SOX6: variants seen among roughly 807,000 people sequenced by gnomAD.
SOX6 encodes the protein transcription factor SOX-6.
In SOX6, 11 loss-of-function variants were observed where a neutral mutation model predicts 97.8. The observed-to-expected ratio is 0.11, with a 90% CI of 0.07 to 0.19. The LOEUF (loss-of-function observed/expected upper bound fraction) is 0.19. SOX6 is among the 10% of genes least tolerant of loss of function. The pLI, the probability that SOX6 is intolerant of heterozygous loss-of-function variation, is 1.00. For missense variants in SOX6, 810 were observed against 1,039.5 expected, an observed-to-expected ratio of 0.78 and a Z score of 3.04; for synonymous variants, 360 against 371.4, an observed-to-expected ratio of 0.97 and a Z score of 0.35.
intron 13 of SOX6, among the ~76,000 whole-genome samples, chr11:16,006,111 G>A (rs1854547159): frequency 6.6e-6 from 1 of 151,986 alleles, no homozygotes; most frequent in Admixed American, 6.6e-5. Context: ...GTATGCGTTT[G>A]AATGAAAACC....
At chr11:16,468,452 G>C (rs1860082183) in intron 1 of SOX6, among the ~76,000 whole-genome samples, 1 of 152,146 alleles carries the variant, frequency 6.6e-6, no homozygotes, top group African/African-American at 2.4e-5. Context: ...AGTCCTCAAA[G>C]TGTCATTGTT....
intron 3 of SOX6, among the ~76,000 whole-genome samples, chr11:16,240,824 C>A (rs961239512): frequency 2.6e-5 from 4 of 152,016 alleles, no homozygotes; most frequent in Non-Finnish European, 4.4e-5. Context: ...AAGGAAGTCA[C>A]CTGTCTTGCC....
At chr11:16,600,082 G>T (rs1848251478) in intron 4 of SOX6, among the ~76,000 whole-genome samples, 1 of 152,192 alleles carries the variant, frequency 6.6e-6, no homozygotes, top group South Asian at 2.1e-4. Flanking sequence ...AATTATAAGT[G>T]TATTTCAAGA....
intron 2 of SOX6, among the ~76,000 whole-genome samples, chr11:16,336,058 T>G (rs1191247241): frequency 1.3e-5 from 2 of 152,202 alleles, no homozygotes; most frequent in African/African-American, 4.8e-5. Context: ...CTGGGGCTGA[T>G]AGTCCACTAT....
chr11:16,656,532 T>C (rs1847719647), intron 3 of SOX6, among the ~76,000 whole-genome samples: 2 of 152,194 alleles, frequency 1.3e-5, no homozygotes, highest in African/African-American at 4.8e-5. Context: ...TTTCAGATTT[T>C]AGACTTTTAA....
intron 4 of SOX6, among the ~76,000 whole-genome samples, chr11:16,521,364 C>A (rs529266586): frequency 6.6e-6 from 1 of 152,204 alleles, no homozygotes. Context: ...GATACCCAGG[C>A]AAACAGGGTC....
intron 3 of SOX6, among the ~76,000 whole-genome samples, chr11:16,287,298 T>TCTCTCACACACACACA (rs1554953497): frequency 8.1e-6 from 1 of 123,450 alleles, no homozygotes; most frequent in African/African-American, 3.3e-5. Flanking sequence ...TCTCTCTCTC[T>TCTCTCACACACACACA]CACACACACA....
chr11:16,252,110 T>C (rs1853531815), intron 3 of SOX6, among the ~76,000 whole-genome samples: 1 of 152,152 alleles, frequency 6.6e-6, no homozygotes, highest in Non-Finnish European at 1.5e-5. Flanking sequence ...AAATATCTAC[T>C]ATTACTCCTC....
At chr11:16,293,262 C>T (rs1281341536) in intron 3 of SOX6, among the ~76,000 whole-genome samples, 1 of 152,100 alleles carries the variant, frequency 6.6e-6, no homozygotes, top group Non-Finnish European at 1.5e-5. Flanking sequence ...AGTTGGCCCA[C>T]TTTAGCCTTT....
intron 9 of SOX6, among the ~76,000 whole-genome samples, chr11:16,060,873 T>C (rs531850117): frequency 1.3e-5 from 2 of 152,002 alleles, no homozygotes; most frequent in South Asian, 4.1e-4. Flanking sequence ...TCTTGCTTGA[T>C]ACACTGTAAG....
intron 3 of SOX6, among the ~76,000 whole-genome samples, chr11:16,272,108 T>C (rs1023769769): frequency 6.6e-6 from 1 of 151,548 alleles, no homozygotes; most frequent in Non-Finnish European, 1.5e-5. Context: ...TAACAGTTTT[T>C]AGTAAAAATT....
At chr11:15,976,160 C>T (rs1351868432) in intron 15 of SOX6, among the ~76,000 whole-genome samples, 1 of 152,170 alleles carries the variant, frequency 6.6e-6, no homozygotes, top group African/African-American at 2.4e-5. Context: ...TACAACTGTT[C>T]GAGGTTGTAC....
chr11:16,078,124 G>T (rs1259500319), intron 9 of SOX6, among the ~76,000 whole-genome samples: 1 of 152,144 alleles, frequency 6.6e-6, no homozygotes, highest in East Asian at 1.9e-4. Context: ...GATAATTAGG[G>T]CAGTTGAAAA....
intron 1 of SOX6, among the ~76,000 whole-genome samples, chr11:16,449,144 C>A (rs1297593186): frequency 4.6e-5 from 7 of 151,936 alleles, no homozygotes; most frequent in Admixed American, 2.0e-4. Context: ...AATTGTGGGG[C>A]ATAGGGTGGT....
At chr11:16,572,738 T>A (rs1227716118) in intron 4 of SOX6, among the ~76,000 whole-genome samples, 1 of 152,216 alleles carries the variant, frequency 6.6e-6, no homozygotes, top group African/African-American at 2.4e-5. Context: ...TATCAAATAC[T>A]CTACATGTCA....
chr11:16,009,715 T>C (rs1292044151), intron 13 of SOX6, among the ~76,000 whole-genome samples: 1 of 152,056 alleles, frequency 6.6e-6, no homozygotes, highest in African/African-American at 2.4e-5. Context: ...CTCTCTCCTT[T>C]ATTTCAAATC....
chr11:16,706,873 T>C, intron 3 of SOX6, among the ~76,000 whole-genome samples: 1 of 152,166 alleles, frequency 6.6e-6, no homozygotes, highest in Middle Eastern at 3.2e-3. Context: ...TTCTCCTATC[T>C]GCACATTGAC....
At chr11:16,498,356 G>A (rs1447305431) in intron 4 of SOX6, among the ~76,000 whole-genome samples, 4 of 152,148 alleles carry the variant, frequency 2.6e-5, no homozygotes, top group African/African-American at 9.7e-5. Flanking sequence ...GCAAAAACAT[G>A]CCAAATTGTA....
intron 5 of SOX6, among the ~76,000 whole-genome samples, chr11:16,184,933 G>A (rs1167913698): frequency 6.6e-6 from 1 of 152,096 alleles, no homozygotes; most frequent in African/African-American, 2.4e-5. Context: ...TTTTTGTCAA[G>A]AGTGTCTTTT....
Sources: gnomAD v4.1 joint callset for allele counts (sites outside exome capture counted in the v4.1 genomes callset) on GRCh38, gnomAD v4.1.1 for gene constraint, MANE v1.5 for transcripts, NCBI Gene and HGNC (gene_info 2026-07-23, HGNC 2026-07-21) for gene names.